PPP6C: variants seen among roughly 807,000 people sequenced by gnomAD.
The protein encoded by PPP6C is serine/threonine-protein phosphatase 6 catalytic subunit.
In PPP6C, 11 loss-of-function variants were observed where a neutral mutation model predicts 39.8. That is an observed-to-expected ratio of 0.28 (90% confidence interval 0.17 to 0.46). The LOEUF (loss-of-function observed/expected upper bound fraction) is 0.46, where lower values mean the gene tolerates loss of function less well. PPP6C is among the 20% of genes least tolerant of loss of function. The pLI is 1.00. For missense variants in PPP6C, 211 were observed against 373.9 expected (o/e 0.56, Z 3.59); for synonymous variants, 129 against 130.3 (o/e 0.99, Z 0.07).
intron 2 of PPP6C, among the ~76,000 whole-genome samples, chr9:125,164,373 C>T (rs1828967398): frequency 1.3e-5 from 2 of 150,154 alleles, no homozygotes; most frequent in African/African-American, 4.9e-5. Context: ...ACTACAGGCA[C>T]GTGCCACTAC....
chr9:125,171,281 C>A, intron 1 of PPP6C, 101 bp from the exon 2 acceptor site: 1 of 870,632 alleles, frequency 1.1e-6, no homozygotes, highest in East Asian at 2.9e-5. Context: ...TTACAAAACC[C>A]AAGTATACTT....
intron 1 of PPP6C, among the ~76,000 whole-genome samples, chr9:125,188,379 C>T (rs1829577829): frequency 6.8e-6 from 1 of 146,764 alleles, no homozygotes; most frequent in Non-Finnish European, 1.5e-5. Context: ...AGCGAGACTC[C>T]GTCTCAAAAA....
intron 1 of PPP6C, among the ~76,000 whole-genome samples, chr9:125,179,336 A>C (rs961906535): frequency 2.0e-5 from 3 of 152,230 alleles, no homozygotes; most frequent in African/African-American, 7.2e-5. Context: ...TCTTTCACAA[A>C]GCAAAAGCTT....
At chr9:125,171,559 T>G (rs1477898754) in intron 1 of PPP6C, among the ~76,000 whole-genome samples, 1 of 137,320 alleles carries the variant, frequency 7.3e-6, no homozygotes, top group East Asian at 2.1e-4. Flanking sequence ...GGTTTTTTTG[T>G]TTTTTTTTTT....
chr9:125,189,069 G>A, intron 1 of PPP6C: 1 of 711,094 alleles, frequency 1.4e-6, no homozygotes, highest in South Asian at 2.1e-5. Flanking sequence ...TAGCAAAACC[G>A]ACGATCCTAA....
intron 6 of PPP6C, chr9:125,151,485 A>G (rs7019234): frequency 0.42 from 334,196 of 790,136 alleles, 73,586 homozygotes; most frequent in East Asian, 0.53. Context: ...ATGAAGCACC[A>G]TTCCAAAATA....
rs1233633792 is a variant in PPP6C, at chr9:125,149,234, A to G, written c.*439T>C. The G allele has an allele frequency of 6.4e-6, 1 of 155,230 alleles. No individual in the cohort carries two copies. The highest frequency in any genetic ancestry group is 1.4e-5 in the Non-Finnish European group (1 of 69,938). 9.6% of individuals were successfully genotyped at this position (155,230 alleles called of 1,614,324 possible). A position where few individuals can be genotyped will look rare whatever the true frequency, so the allele number is the denominator to read the frequency against. Reference sequence around the variant, plus strand: ...ACATAACTTGAGGCATTTGGAGTCCATCGTGCCCACTGAATAACAACTTTG... The same window carrying G: ...ACATAACTTGAGGCATTTGGAGTCCGTCGTGCCCACTGAATAACAACTTTG... On this transcript the variant is annotated 3_prime_UTR_variant, in exon 7 of 7. Transcript: ENST00000373547.
At chr9:125,150,654 A>C (rs1352621086) in intron 6 of PPP6C, 4 of 969,126 alleles carry the variant, frequency 4.1e-6, no homozygotes, top group South Asian at 2.5e-5. Flanking sequence ...CAGGATCCTG[A>C]ATATCAAAAT....
At chr9:125,177,734 C>G (rs1174468358) in intron 1 of PPP6C, among the ~76,000 whole-genome samples, 1 of 152,100 alleles carries the variant, frequency 6.6e-6, no homozygotes, top group Non-Finnish European at 1.5e-5. Context: ...ACTGCACATT[C>G]TATAAGTTTT....
intron 4 of PPP6C, among the ~76,000 whole-genome samples, chr9:125,155,859 CGCACCACT>C (rs1836057378): frequency 6.7e-6 from 1 of 148,294 alleles, no homozygotes; most frequent in Non-Finnish European, 1.5e-5. Context: ...GAGCGAAGAT[CGCACCACT>C]GCACTCCAGC....
chr9:125,160,720 A>G, intron 3 of PPP6C, 121 bp downstream of exon 3: 1 of 659,924 alleles, frequency 1.5e-6, no homozygotes, highest in East Asian at 3.2e-5. Flanking sequence ...ACTAATACAC[A>G]TCTTTTAATA....
At chr9:125,187,940 A>G (rs1383494125) in intron 1 of PPP6C, among the ~76,000 whole-genome samples, 1 of 152,106 alleles carries the variant, frequency 6.6e-6, no homozygotes, top group Non-Finnish European at 1.5e-5. Context: ...CATATGCCAC[A>G]TAAAATTAAC....
At chr9:125,167,036 A>G (rs542774438) in intron 2 of PPP6C, among the ~76,000 whole-genome samples, 1 of 152,158 alleles carries the variant, frequency 6.6e-6, no homozygotes, top group South Asian at 2.1e-4. Context: ...AGGAGCTAGG[A>G]CTTACAGACT....
intron 1 of PPP6C, among the ~76,000 whole-genome samples, chr9:125,176,566 A>C (rs1829301944): frequency 6.6e-6 from 1 of 152,212 alleles, no homozygotes; most frequent in African/African-American, 2.4e-5. Flanking sequence ...CTGAGGTGCA[A>C]GGATCGCTTG....
chr9:125,169,698 T>G (rs538322456), intron 2 of PPP6C, among the ~76,000 whole-genome samples: 2 of 152,354 alleles, frequency 1.3e-5, no homozygotes, highest in South Asian at 2.1e-4. Flanking sequence ...ATATCCTTTA[T>G]GTTAGCAAAA....
At chr9:125,171,241 A>G (rs1441242135) in intron 1 of PPP6C, 61 bp from the exon 2 acceptor site, 4 of 1,331,984 alleles carry the variant, frequency 3.0e-6, no homozygotes, top group Admixed American at 4.6e-5. Context: ...AAGATAAAAT[A>G]CCAAAAAAGA....
chr9:125,174,367 T>C (rs1273406981), intron 1 of PPP6C, among the ~76,000 whole-genome samples: 1 of 150,512 alleles, frequency 6.6e-6, no homozygotes, highest in Non-Finnish European at 1.5e-5. Flanking sequence ...ATAGAGTTGT[T>C]AATTTCCTAA....
chr9:125,168,780 G>T, intron 2 of PPP6C, among the ~76,000 whole-genome samples: 1 of 130,370 alleles, frequency 7.7e-6, no homozygotes, highest in Non-Finnish European at 1.8e-5. Flanking sequence ...TTATTTTTTC[G>T]AGACAGAGTC....
intron 2 of PPP6C, among the ~76,000 whole-genome samples, chr9:125,167,399 AG>A (rs374727666): frequency 0.084 from 11,340 of 135,218 alleles, 991 homozygotes; most frequent in East Asian, 0.14. Context: ...AAAAAAAAAA[AG>A]AAATAAAAAA....
Sources: gnomAD v4.1 joint callset for allele counts (sites outside exome capture counted in the v4.1 genomes callset) on GRCh38, gnomAD v4.1.1 for gene constraint, MANE v1.5 for transcripts, NCBI Gene and HGNC (gene_info 2026-07-23, HGNC 2026-07-21) for gene names.